DPPA2: variants seen among roughly 807,000 people sequenced by gnomAD.
DPPA2 encodes developmental pluripotency associated 2, also known as developmental pluripotency-associated protein 2.
Under a neutral mutation model 36.2 loss-of-function variants are expected in DPPA2, and 26 were observed. The ratio of observed to expected loss-of-function variants is 0.72; its 90% CI spans 0.53 to 1.00. DPPA2 has a LOEUF of 1.00. Ranked by LOEUF, DPPA2 falls within the 50% of genes least tolerant of loss-of-function variation. DPPA2 has a pLI of 0.00. For synonymous variants in DPPA2, 113 were observed against 123.2 expected, an observed-to-expected ratio of 0.92 and a Z score of 0.55; for missense variants, 361 against 365.1, an observed-to-expected ratio of 0.99 and a Z score of 0.09.
Position 109,308,301 on chromosome 3 carries a change from T to A in DPPA2, c.397-8A>T. 6.2e-7 allele frequency: 1 copy of A among 1,613,912 alleles called. No homozygotes were observed. The highest frequency in any genetic ancestry group is 8.5e-7 in the Non-Finnish European group (1 of 1,179,908). On this transcript the variant is annotated splice_region_variant and splice_polypyrimidine_tract_variant and intron_variant, in intron 5 of 8. Transcript: ENST00000478945. ...TGACATTTCAGGCATATCCTGCAAA[T>A]GAAATTCACGATGAGTATTCAGTAA... is the stretch of plus-strand genomic sequence containing the variant.
At chr3:109,299,082 G>A (rs545483392) in intron 8 of DPPA2, among the ~76,000 whole-genome samples, 6 of 148,560 alleles carry the variant, frequency 4.0e-5, no homozygotes, top group African/African-American at 9.9e-5. Flanking sequence ...AAAAGAGGCC[G>A]GGCACGGTGG....
At chr3:109,299,512 G>A (rs372941896) in intron 8 of DPPA2, among the ~76,000 whole-genome samples, 78 of 151,326 alleles carry the variant, frequency 5.2e-4, no homozygotes, top group African/African-American at 1.9e-3. Flanking sequence ...GTGAGACTCT[G>A]TCTCAAAAAA....
In DPPA2 at chr3:109,308,271, T is replaced by C. The variant is rs763465954; in HGVS notation, c.419A>G (p.Glu140Gly). 5.6e-6 allele frequency: 9 copies of C among 1,614,116 alleles called. No homozygotes were observed. The highest frequency in any genetic ancestry group is 7.6e-6 in the Non-Finnish European group (9 of 1,180,052). ...QRQDMPEMSQETRLQRCSRKR... is the reference protein window; with the variant it reads ...QRQDMPEMSQGTRLQRCSRKR... ...CCTCGAACATCGCTGTAATCTGGTC[T>C]CTTGTGACATTTCAGGCATATCCTG... The change falls in exon 6 of 9, where the codon GAG (glutamate) becomes GGG (glycine). Residue 140 changes from glutamate to glycine, a missense_variant. Transcript: ENST00000478945.
intron 7 of DPPA2, among the ~76,000 whole-genome samples, chr3:109,301,411 G>A (rs896808277): frequency 6.6e-6 from 1 of 152,038 alleles, no homozygotes; most frequent in African/African-American, 2.4e-5. Flanking sequence ...TAGCACTTTG[G>A]GAGGCTGAGG....
intron 8 of DPPA2, among the ~76,000 whole-genome samples, chr3:109,298,717 A>AATAAT (rs138793255): frequency 7.0e-5 from 10 of 141,872 alleles, no homozygotes; most frequent in African/African-American, 1.0e-4. Flanking sequence ...TTCTGTCTAA[A>AATAAT]AATAATAATA....
chr3:109,301,356 T>C (rs776597310), intron 7 of DPPA2, among the ~76,000 whole-genome samples: 2 of 151,994 alleles, frequency 1.3e-5, no homozygotes, highest in Non-Finnish European at 2.9e-5. Flanking sequence ...GTTTTTTCAT[T>C]TAAAAAAATT....
intron 8 of DPPA2, among the ~76,000 whole-genome samples, chr3:109,295,004 A>G (rs1707326678): frequency 6.6e-6 from 1 of 152,074 alleles, no homozygotes; most frequent in Non-Finnish European, 1.5e-5. Context: ...CTGGACAACA[A>G]GAGCGAAACT....
At chr3:109,306,786 A>G (rs9831544) in intron 6 of DPPA2, among the ~76,000 whole-genome samples, 93,325 of 150,224 alleles carry the variant, frequency 0.62, 30,759 homozygotes, top group East Asian at 0.9. Context: ...ACCAACATGG[A>G]GAAATCTCGC....
rs758593394 is a variant in DPPA2, at chr3:109,304,575, T to C, written c.754A>G (p.Thr252Ala). Residue 252 changes from threonine (T) to alanine (A), a missense_variant, in exon 7 of 9, where the codon ACC becomes GCC. Physicochemically the swap from Thr to Ala is moderately conservative, Grantham distance 58 (BLOSUM62 0). Coordinates refer to ENST00000478945, the MANE Select transcript of DPPA2 (RefSeq NM_138815.4). ...QFHAGQAWVP[T>A]THRRMISLFL... ...AGAGAAATCATCCTCCTGTGAGTGGTAGGCACCCAGGCCTGACCTGCATGA... is the reference window on the plus strand; with the variant it reads ...AGAGAAATCATCCTCCTGTGAGTGGCAGGCACCCAGGCCTGACCTGCATGA... 18 of 1,613,926 alleles carry C rather than the reference T, an allele frequency of 1.1e-5. No homozygotes were observed. The highest frequency in any genetic ancestry group is 1.5e-5 in the Non-Finnish European group (18 of 1,180,016).
intron 8 of DPPA2, 97 bp downstream of exon 8, chr3:109,300,274 G>C (rs1707435214): frequency 1.0e-6 from 1 of 972,406 alleles, no homozygotes; most frequent in Non-Finnish European, 1.6e-6. Flanking sequence ...TTAGTGAATA[G>C]GGGGAAGGCA....
chr3:109,305,168 T>A (rs1707534055), intron 6 of DPPA2, among the ~76,000 whole-genome samples: 1 of 151,802 alleles, frequency 6.6e-6, no homozygotes, highest in African/African-American at 2.4e-5. Context: ...ATACTAATAA[T>A]AATAAAATAA....
chr3:109,316,028 G>A (rs1210833784), intron 1 of DPPA2, among the ~76,000 whole-genome samples: 3 of 152,170 alleles, frequency 2.0e-5, no homozygotes, highest in African/African-American at 7.2e-5. Flanking sequence ...CTGAGGGGCT[G>A]AGGAATCTGT....
intron 8 of DPPA2, among the ~76,000 whole-genome samples, chr3:109,299,595 C>T (rs1392229317): frequency 1.3e-5 from 2 of 149,158 alleles, no homozygotes; most frequent in East Asian, 2.0e-4. Context: ...CGGAGGCAGG[C>T]GAATTGCTTG....
chr3:109,309,352 A>G, intron 3 of DPPA2, 22 bp from the exon 4 acceptor site: 1 of 1,611,512 alleles, frequency 6.2e-7, no homozygotes, highest in South Asian at 1.1e-5. Context: ...ATGGAACCAA[A>G]GTAGTAATAA....
intron 8 of DPPA2, chr3:109,295,612 A>T (rs1030444850): frequency 7.7e-6 from 1 of 130,532 alleles, no homozygotes; most frequent in Non-Finnish European, 1.6e-5. Flanking sequence ...ATATCTATAT[A>T]CACAGATATA....
chr3:109,308,883 A>G, intron 5 of DPPA2, 143 bp downstream of exon 5: 1 of 1,060,892 alleles, frequency 9.4e-7, no homozygotes, highest in Non-Finnish European at 1.4e-6. Context: ...CAAACAAAAA[A>G]TTATTTGTTC....
intron 8 of DPPA2, among the ~76,000 whole-genome samples, chr3:109,296,111 A>G (rs1397805964): frequency 1.3e-5 from 2 of 152,196 alleles, no homozygotes; most frequent in Non-Finnish European, 2.9e-5. Flanking sequence ...AAAGGAATAG[A>G]AAGTTGTGAA....
intron 6 of DPPA2, among the ~76,000 whole-genome samples, chr3:109,307,341 C>G (rs1014553196): frequency 2.6e-5 from 4 of 151,916 alleles, no homozygotes; most frequent in Non-Finnish European, 4.4e-5. Context: ...GTGGCTCACA[C>G]CTGTAATCCC....
intron 1 of DPPA2, among the ~76,000 whole-genome samples, chr3:109,315,136 G>A (rs374495979): frequency 6.6e-6 from 1 of 152,176 alleles, no homozygotes; most frequent in Middle Eastern, 3.2e-3. Flanking sequence ...AACACTTGTT[G>A]ACAAGTTCCA....
Sources: allele counts gnomAD v4.1 joint callset (sites outside exome capture counted in the v4.1 genomes callset), GRCh38; gene constraint gnomAD v4.1.1; transcripts MANE v1.5; gene names NCBI Gene and HGNC (gene_info 2026-07-23, HGNC 2026-07-21).